The following RC3H1 variants were observed in gnomAD, a reference collection of about 807,000 sequenced individuals.
RC3H1 encodes the protein roquin-1.
RC3H1 carries 50 observed loss-of-function variants against 138.2 expected under a neutral mutation model. The ratio of observed to expected loss-of-function variants is 0.36; its 90% confidence interval spans 0.29 to 0.46. The LOEUF (loss-of-function observed/expected upper bound fraction) is 0.46. Among genes scored for constraint, RC3H1 ranks in the 20% least tolerant of loss-of-function variants. The probability of loss-of-function intolerance (pLI) is 1.00; values close to 1 mark genes in which losing one functional copy is unlikely to be tolerated. For synonymous variants in RC3H1, 462 were observed against 489.1 expected (o/e 0.94, Z 0.73); for missense variants, 1,031 against 1,388.1 (o/e 0.74, Z 4.09).
intron 1 of RC3H1, among the ~76,000 whole-genome samples, chr1:174,004,020 T>A (rs115966432): frequency 0.033 from 4,911 of 148,588 alleles, 99 homozygotes; most frequent in Middle Eastern, 0.1. Flanking sequence ...GTTTTTTTAA[T>A]CTTTCTTTTA....
chr1:173,966,470 C>T lies in RC3H1; in HGVS notation c.1335-1350G>A, dbSNP rs187705201. Among the ~76,000 whole-genome samples the T allele has an allele frequency of 7.1e-3, 1,088 of 152,234 alleles. 9 individuals are homozygous for T. The highest frequency in any genetic ancestry group is 0.017 in the Middle Eastern group (5 of 294). Reference sequence around the variant, plus strand: ...GTGGCTCATACCTGTAATCCCAGCACTTTGGGAGGCCGAGGCGGGCAGATC... The same window carrying T: ...GTGGCTCATACCTGTAATCCCAGCATTTTGGGAGGCCGAGGCGGGCAGATC... On this transcript the variant is annotated intron_variant, in intron 9 of 19. Coordinates refer to ENST00000367696, the MANE Select transcript of RC3H1 (RefSeq NM_172071.4).
At chr1:174,004,858 A>C (rs1027512852) in intron 1 of RC3H1, among the ~76,000 whole-genome samples, 4 of 151,590 alleles carry the variant, frequency 2.6e-5, no homozygotes, top group Non-Finnish European at 5.9e-5. Flanking sequence ...GTAACATGCA[A>C]AGGCCCTAGG....
chr1:174,018,910 C>T (rs1661910703), intron 1 of RC3H1, among the ~76,000 whole-genome samples: 1 of 152,122 alleles, frequency 6.6e-6, no homozygotes, highest in Non-Finnish European at 1.5e-5. Context: ...CCATCAGAAT[C>T]CATTTCAAGC....
In RC3H1 at chr1:173,931,271, T is replaced by C. The variant is rs1255147179; in HGVS notation, c.*7450A>G. 1.3e-5 allele frequency: 2 copies of C among 152,246 alleles called. No homozygotes were observed. The highest frequency in any genetic ancestry group is 2.4e-5 in the African/African-American group (1 of 41,466). 9.4% of individuals were successfully genotyped at this position (152,246 alleles called of 1,614,324 possible). A position where few individuals can be genotyped will look rare whatever the true frequency, so the allele number is the denominator to read the frequency against. ...TGACAGAAAGCAGATAAAGACCTTGTAGACATTTTCATATATTTACAATCC... is the reference window on the plus strand; with the variant it reads ...TGACAGAAAGCAGATAAAGACCTTGCAGACATTTTCATATATTTACAATCC... On this transcript the variant is annotated 3_prime_UTR_variant, in exon 20 of 20. Coordinates refer to ENST00000367696, the MANE Select transcript of RC3H1 (RefSeq NM_172071.4).
intron 2 of RC3H1, among the ~76,000 whole-genome samples, chr1:173,991,652 G>A (rs182306792): frequency 1.3e-5 from 2 of 152,250 alleles, no homozygotes; most frequent in Admixed American, 6.5e-5. Flanking sequence ...AGTTGTTTCA[G>A]TGCTTTTATT....
At chr1:173,950,979 T>C (rs1379042693) in intron 14 of RC3H1, among the ~76,000 whole-genome samples, 2 of 151,848 alleles carry the variant, frequency 1.3e-5, no homozygotes, top group Non-Finnish European at 2.9e-5. Context: ...ACCATAATCA[T>C]GTTACTGCAC....
At chr1:173,956,298 C>T (rs1659644321) in intron 13 of RC3H1, among the ~76,000 whole-genome samples, 1 of 151,970 alleles carries the variant, frequency 6.6e-6, no homozygotes, top group Admixed American at 6.6e-5. Context: ...ACACAATTGT[C>T]CAAGGAAGAG....
At chr1:173,984,426 T>G in intron 3 of RC3H1, 73 bp downstream of exon 3, 1 of 1,421,318 alleles carries the variant, frequency 7.0e-7, no homozygotes, top group Non-Finnish European at 9.5e-7. Context: ...TCCTCAGGAC[T>G]TATATAGGAT....
chr1:173,982,181 A>C (rs1327530420), intron 5 of RC3H1, among the ~76,000 whole-genome samples: 1 of 152,130 alleles, frequency 6.6e-6, no homozygotes, highest in Non-Finnish European at 1.5e-5. Context: ...GGAGTTCGAG[A>C]CCAGCCTGGC....
chr1:173,978,364 T>G, intron 7 of RC3H1, 124 bp downstream of exon 7: 1 of 948,668 alleles, frequency 1.1e-6, no homozygotes, highest in South Asian at 2.2e-5. Flanking sequence ...CTTAAAATAC[T>G]GTAAAAAAGA....
chr1:173,986,452 A>G (rs1229052420), intron 2 of RC3H1, among the ~76,000 whole-genome samples: 1 of 151,988 alleles, frequency 6.6e-6, no homozygotes, highest in Non-Finnish European at 1.5e-5. Context: ...CTAATTTTGT[A>G]TTTTATTGTA....
At chr1:173,965,480 A>C (rs1660072709) in intron 9 of RC3H1, among the ~76,000 whole-genome samples, 1 of 152,126 alleles carries the variant, frequency 6.6e-6, no homozygotes, top group African/African-American at 2.4e-5. Flanking sequence ...GGTCCCAACT[A>C]CTAGGGAGAC....
At chr1:173,944,636 A>G (rs2102857619) in intron 17 of RC3H1, among the ~76,000 whole-genome samples, 2 of 152,368 alleles carry the variant, frequency 1.3e-5, no homozygotes, top group South Asian at 4.1e-4. Context: ...ATTGGGTTGA[A>G]GGTCTGAATC....
intron 2 of RC3H1, 152 bp from the exon 3 acceptor site, chr1:173,984,771 T>C (rs1047446720): frequency 4.0e-6 from 3 of 759,222 alleles, no homozygotes; most frequent in East Asian, 5.5e-5. Flanking sequence ...TATTAACATG[T>C]ATCTTTGCAT....
chr1:173,956,391 T>C (rs1659648792), intron 13 of RC3H1, among the ~76,000 whole-genome samples: 1 of 152,008 alleles, frequency 6.6e-6, no homozygotes, highest in Non-Finnish European at 1.5e-5. Context: ...CATTGCATAT[T>C]GTATATATGT....
chr1:173,958,213 T>C (rs549778781), intron 13 of RC3H1, among the ~76,000 whole-genome samples: 1 of 152,124 alleles, frequency 6.6e-6, no homozygotes, highest in Non-Finnish European at 1.5e-5. Flanking sequence ...TAAAGCAGTA[T>C]GTACAATCAA....
At chr1:173,946,707 T>A in intron 16 of RC3H1, 39 bp downstream of exon 16, 6 of 1,599,456 alleles carry the variant, frequency 3.8e-6, no homozygotes, top group Non-Finnish European at 5.1e-6. Context: ...ATTTTAAAGG[T>A]TTCTACATGT....
chr1:173,962,857 C>A (rs976080262), intron 11 of RC3H1, among the ~76,000 whole-genome samples: 1 of 152,082 alleles, frequency 6.6e-6, no homozygotes, highest in African/African-American at 2.4e-5. Flanking sequence ...AGATACAAAT[C>A]ACGTTTTATC....
chr1:173,987,730 A>G (rs1661087866), intron 2 of RC3H1, among the ~76,000 whole-genome samples: 1 of 152,026 alleles, frequency 6.6e-6, no homozygotes, highest in African/African-American at 2.4e-5. Flanking sequence ...TAATAACCCG[A>G]GATATACATT....
Sources: allele counts gnomAD v4.1 joint callset (sites outside exome capture counted in the v4.1 genomes callset), GRCh38; gene constraint gnomAD v4.1.1; transcripts MANE v1.5; gene names NCBI Gene and HGNC (gene_info 2026-07-23, HGNC 2026-07-21).